ANKRD11: variants seen among roughly 807,000 people sequenced by gnomAD.
ANKRD11 encodes ankyrin repeat domain-containing protein 11.
A neutral mutation model predicts 195.7 loss-of-function variants in ANKRD11; 17 were observed. The ratio of observed to expected loss-of-function variants is 0.09; its 90% CI spans 0.06 to 0.13. The LOEUF (loss-of-function observed/expected upper bound fraction) is 0.13. ANKRD11 is among the 10% of genes least tolerant of loss of function. ANKRD11 has a pLI of 1.00. For synonymous variants in ANKRD11, 1,953 were observed against 1,528.1 expected (o/e 1.28, Z -6.49); for missense variants, 3,735 against 3,566.1 (o/e 1.05, Z -1.21).
intron 7 of ANKRD11, chr16:89,287,223 C>T (rs547684775): frequency 1.4e-4 from 85 of 610,056 alleles, no homozygotes; most frequent in South Asian, 1.4e-3. Context: ...AGCGCAGGTG[C>T]GGCCCTCCTC....
At chr16:89,391,240 A>AG (rs1475499593) in intron 2 of ANKRD11, among the ~76,000 whole-genome samples, 1 of 151,946 alleles carries the variant, frequency 6.6e-6, no homozygotes, top group East Asian at 1.9e-4. Context: ...AAAAAAAAAA[A>AG]AAAAAAAATG....
chr16:89,476,678 G>A (rs938434082), intron 1 of ANKRD11, among the ~76,000 whole-genome samples: 3 of 152,174 alleles, frequency 2.0e-5, no homozygotes, highest in Non-Finnish European at 2.9e-5. Context: ...CTCCTCCTTG[G>A]TCTCACAGCC....
At chr16:89,292,269 C>G (rs1244206774) in intron 4 of ANKRD11, among the ~76,000 whole-genome samples, 2 of 152,154 alleles carry the variant, frequency 1.3e-5, no homozygotes, top group South Asian at 2.1e-4. Flanking sequence ...AGGACTTCTC[C>G]CTCGGCTGGT....
intron 3 of ANKRD11, chr16:89,313,294 C>T (rs1175564790): frequency 3.1e-6 from 4 of 1,284,698 alleles, no homozygotes; most frequent in Non-Finnish European, 3.0e-6. Flanking sequence ...GGGGACGACA[C>T]TGTTCTCTGT....
At chr16:89,354,708 CACGTCTCTACTAAAAATACAGAAATTA>C (rs1009603651) in intron 2 of ANKRD11, among the ~76,000 whole-genome samples, 1 of 152,160 alleles carries the variant, frequency 6.6e-6, no homozygotes, top group Non-Finnish European at 1.5e-5. Context: ...ACGGTGAAAC[CACGTCTCTACTAAAAATACAGAAATTA>C]GCCGGGCATG....
intron 1 of ANKRD11, among the ~76,000 whole-genome samples, chr16:89,472,915 C>A (rs1436853525): frequency 6.6e-6 from 1 of 152,186 alleles, no homozygotes; most frequent in East Asian, 1.9e-4. Flanking sequence ...GGGGGCCAGA[C>A]ATAGTGGCTC....
chr16:89,480,555 G>A, intron 1 of ANKRD11, among the ~76,000 whole-genome samples: 1 of 152,124 alleles, frequency 6.6e-6, no homozygotes, highest in East Asian at 1.9e-4. Flanking sequence ...TATGTGCATA[G>A]AAGTAACAGA....
intron 4 of ANKRD11, among the ~76,000 whole-genome samples, chr16:89,297,228 C>T (rs569389377): frequency 4.6e-5 from 7 of 152,286 alleles, no homozygotes; most frequent in Non-Finnish European, 7.4e-5. Flanking sequence ...ACACAGGCCA[C>T]GATACTGTCA....
intron 2 of ANKRD11, among the ~76,000 whole-genome samples, chr16:89,322,941 T>C (rs142487610): frequency 2.4e-4 from 36 of 152,344 alleles, no homozygotes; most frequent in Non-Finnish European, 3.7e-4. Flanking sequence ...CCTCCTGGGC[T>C]CAAGCTATCC....
At chr16:89,415,829 C>CAAAAAA (rs71134220) in intron 2 of ANKRD11, among the ~76,000 whole-genome samples, 498 of 39,698 alleles carry the variant, frequency 0.013, 29 homozygotes, top group Non-Finnish European at 0.019. Flanking sequence ...GACTCTGTCT[C>CAAAAAA]AAAAAAAAAA....
At chr16:89,430,932 C>G (rs1005418856) in intron 1 of ANKRD11, among the ~76,000 whole-genome samples, 1 of 152,062 alleles carries the variant, frequency 6.6e-6, no homozygotes, top group Non-Finnish European at 1.5e-5. Context: ...CAAAGGAAAC[C>G]CCTGTGAGCC....
chr16:89,300,473 C>A (rs1009157916), intron 4 of ANKRD11: 17 of 206,416 alleles, frequency 8.2e-5, no homozygotes, highest in Non-Finnish European at 1.3e-4. Context: ...CACAGCCTGG[C>A]CCCTGCTGCA....
chr16:89,454,442 T>C (rs1008695857), intron 1 of ANKRD11, among the ~76,000 whole-genome samples: 4 of 152,132 alleles, frequency 2.6e-5, no homozygotes, highest in South Asian at 2.1e-4. Context: ...TCTAAAACAA[T>C]CATACTACAC....
chr16:89,380,805 G>A (rs932459523), intron 2 of ANKRD11, among the ~76,000 whole-genome samples: 1 of 152,244 alleles, frequency 6.6e-6, no homozygotes, highest in Non-Finnish European at 1.5e-5. Flanking sequence ...ACCACCACGA[G>A]CACTGGGGCT....
chr16:89,443,657 T>C (rs1314733815), intron 1 of ANKRD11, among the ~76,000 whole-genome samples: 1 of 152,166 alleles, frequency 6.6e-6, no homozygotes, highest in Non-Finnish European at 1.5e-5. Context: ...ACCAGACCTG[T>C]TAAGCCTTTT....
At position 89,316,996 on chromosome 16, in the gene ANKRD11, T is replaced by G. The variant is rs371443329; in HGVS notation, c.24A>C (p.Lys8Asn). 1 of 1,613,688 alleles carries G rather than the reference T, an allele frequency of 6.2e-7. No homozygotes were observed. The highest frequency in any genetic ancestry group is 8.5e-7 in the Non-Finnish European group (1 of 1,179,890). MPKGGCP[K>N]APQQEELPLS... ...GGGGAAGCTCTTCCTGCTGTGGTGC[T>G]TTAGGGCACCCACCCTTGGGCATCG... The change falls in exon 3 of 13, where the codon AAA becomes AAC. Residue 8 changes from lysine to asparagine, a missense_variant. Transcript: ENST00000301030.
At chr16:89,444,396 G>A (rs539482301) in intron 1 of ANKRD11, among the ~76,000 whole-genome samples, 24 of 150,652 alleles carry the variant, frequency 1.6e-4, no homozygotes, top group Admixed American at 5.3e-4. Context: ...GAGCAGGTGC[G>A]TACTAAACAT....
intron 1 of ANKRD11, among the ~76,000 whole-genome samples, chr16:89,456,946 G>A (rs918373200): frequency 3.9e-5 from 5 of 129,142 alleles, no homozygotes; most frequent in African/African-American, 1.1e-4. Context: ...TGGGGTGTTC[G>A]TTATGTGAGT....
chr16:89,307,580 G>C (rs1203186226), intron 3 of ANKRD11, among the ~76,000 whole-genome samples: 1 of 152,106 alleles, frequency 6.6e-6, no homozygotes, highest in Admixed American at 6.6e-5. Flanking sequence ...CAGCAGTGCA[G>C]GTCCCTCCCG....
Sources: allele counts gnomAD v4.1 joint callset (sites outside exome capture counted in the v4.1 genomes callset), GRCh38; gene constraint gnomAD v4.1.1; transcripts MANE v1.5; gene names NCBI Gene and HGNC (gene_info 2026-07-23, HGNC 2026-07-21).